Variants in RPS6KA5 observed in about 807,000 individuals in gnomAD.
RPS6KA5 encodes ribosomal protein S6 kinase A5.
A neutral mutation model predicts 85.5 loss-of-function variants in RPS6KA5; 27 were observed. That is an observed-to-expected ratio of 0.32 (90% CI 0.23 to 0.44). The LOEUF (loss-of-function observed/expected upper bound fraction) is 0.44, where lower values mean the gene tolerates loss of function less well. Among genes scored for constraint, RPS6KA5 ranks in the 20% least tolerant of loss-of-function variants. The pLI is 1.00. For missense variants in RPS6KA5, 811 were observed against 980.9 expected (o/e 0.83, Z 2.31); for synonymous variants, 334 against 348.2 (o/e 0.96, Z 0.46).
chr14:90,878,277 TAG>T (rs2033608496), intron 14 of RPS6KA5, among the ~76,000 whole-genome samples: 1 of 152,214 alleles, frequency 6.6e-6, no homozygotes, highest in Non-Finnish European at 1.5e-5. Context: ...AGTGATATGA[TAG>T]AGACTGTACT....
chr14:90,872,335 A>C lies in RPS6KA5; in HGVS notation c.2161-13T>G, dbSNP rs775962656. ...ATTTGTTAAAGGCCTGGCGGGGGAA[A>C]AAAAGGGAACCCCTGTGAAGGTAAA... On this transcript the variant is annotated splice_polypyrimidine_tract_variant and intron_variant, in intron 16 of 16. Coordinates refer to ENST00000614987, the MANE Select transcript of RPS6KA5 (RefSeq NM_004755.4). 1.9e-6 allele frequency: 3 copies of C among 1,597,554 alleles called. No individual in the cohort carries two copies. Among genetic ancestry groups the C allele is most frequent in the Non-Finnish European group, 2.6e-6 (3 of 1,174,480 alleles).
In RPS6KA5 at chr14:90,875,368, G is replaced by A. The variant is rs2033390985; in HGVS notation, c.1837-8C>T. On this transcript the variant is annotated splice_region_variant and splice_polypyrimidine_tract_variant and intron_variant, in intron 14 of 16. Transcript: ENST00000614987. ...TCCTGACAACATTGTGTACTATCAG[G>A]GAAAAAGTAACAAAACAGAATGACT... 3 of 1,605,936 alleles carry A rather than the reference G, an allele frequency of 1.9e-6. No homozygotes were observed. In the African/African-American group the frequency reaches 4.0e-5, roughly 22 times the overall value.
intron 3 of RPS6KA5, among the ~76,000 whole-genome samples, chr14:90,975,546 A>G (rs1233915529): frequency 2.0e-5 from 3 of 152,216 alleles, no homozygotes; most frequent in African/African-American, 7.2e-5. Context: ...AGGTGGTAAG[A>G]CAGTGGCCAT....
chr14:90,913,159 C>G (rs1034752862), intron 7 of RPS6KA5, among the ~76,000 whole-genome samples: 2 of 151,956 alleles, frequency 1.3e-5, no homozygotes, highest in Admixed American at 1.3e-4. Context: ...GATCCACCCT[C>G]CTTAGCCTCC....
chr14:90,930,221 G>A (rs575219448), intron 5 of RPS6KA5, among the ~76,000 whole-genome samples: 1 of 152,152 alleles, frequency 6.6e-6, no homozygotes, highest in South Asian at 2.1e-4. Flanking sequence ...GAGGCAAACA[G>A]ACAAATGGAA....
At chr14:90,982,557 A>G (rs1258532706) in intron 2 of RPS6KA5, among the ~76,000 whole-genome samples, 1 of 152,238 alleles carries the variant, frequency 6.6e-6, no homozygotes, top group African/African-American at 2.4e-5. Context: ...ATGACTCTCT[A>G]ATTTCTGCAT....
At chr14:90,900,005 A>G (rs1316372357) in intron 11 of RPS6KA5, 103 bp downstream of exon 11, 8 of 987,320 alleles carry the variant, frequency 8.1e-6, no homozygotes, top group Non-Finnish European at 1.1e-5. Context: ...TTTGGGTAAG[A>G]AAGTCTTACA....
chr14:90,874,469 C>T (rs867659459), intron 15 of RPS6KA5, among the ~76,000 whole-genome samples: 6 of 152,108 alleles, frequency 3.9e-5, no homozygotes, highest in South Asian at 2.1e-4. Flanking sequence ...TATCCTGCAA[C>T]GGCAGAGCTG....
At chr14:91,030,577 G>A (rs2042144704) in intron 1 of RPS6KA5, among the ~76,000 whole-genome samples, 2 of 82,172 alleles carry the variant, frequency 2.4e-5, no homozygotes, top group African/African-American at 9.4e-5. Flanking sequence ...ACAATTGAGA[G>A]AAATCCCTAA....
chr14:90,981,158 T>C (rs573638432), intron 2 of RPS6KA5, among the ~76,000 whole-genome samples: 3 of 152,094 alleles, frequency 2.0e-5, no homozygotes, highest in African/African-American at 7.2e-5. Context: ...GCAACAAGAG[T>C]GAAACTTAGT....
intron 3 of RPS6KA5, among the ~76,000 whole-genome samples, chr14:90,952,604 C>A (rs2038260233): frequency 6.6e-6 from 1 of 152,214 alleles, no homozygotes; most frequent in Non-Finnish European, 1.5e-5. Context: ...AGGCATTGAT[C>A]AAAAATTGGC....
intron 1 of RPS6KA5, among the ~76,000 whole-genome samples, chr14:91,015,436 ATTTAT>A (rs900094049): frequency 6.6e-6 from 1 of 152,098 alleles, no homozygotes; most frequent in African/African-American, 2.4e-5. Context: ...GTGCTACCAA[ATTTAT>A]TTTGTTTATT....
At position 90,854,075 on chromosome 14, in the gene RPS6KA5, C is replaced by T. The variant is rs1193773251; in HGVS notation, c.*17999G>A. The T allele has an allele frequency of 1.3e-5, 2 of 152,050 alleles. No homozygotes were observed. The highest frequency in any genetic ancestry group is 4.8e-5 in the African/African-American group (2 of 41,400). The allele number at this position is 152,050 out of a possible 1,614,324, so 9.4% of individuals were successfully genotyped here. On this transcript the variant is annotated 3_prime_UTR_variant, in exon 17 of 17. Transcript: ENST00000614987. ...ACACACCTATGTAATTTTCACAAGA[C>T]CAAACTATTAAAGTACCTAGAAAAT...
Position 90,932,535 on chromosome 14 carries a change from G to T in RPS6KA5, c.619-9339C>A, listed in dbSNP as rs116223286. 5.2e-3 allele frequency among the ~76,000 whole-genome samples: 794 copies of T among 152,196 alleles called. 10 individuals carry two copies. Among genetic ancestry groups the T allele is most frequent in the African/African-American group, 0.018 (744 of 41,522 alleles). On this transcript the variant is annotated intron_variant, in intron 5 of 16. Transcript: ENST00000614987. ...CGTTCACTCTCCCACATTGTTAGTT[G>T]GTTATTTTATATCATCTCCTTTCTC...
At chr14:91,012,405 A>G (rs1211093922) in intron 1 of RPS6KA5, among the ~76,000 whole-genome samples, 1 of 152,246 alleles carries the variant, frequency 6.6e-6, no homozygotes, top group Non-Finnish European at 1.5e-5. Flanking sequence ...GGGGAAAAAA[A>G]CAACTATATA....
At position 90,986,500 on chromosome 14, in the gene RPS6KA5, A is replaced by G. The variant is rs114909744; in HGVS notation, c.176-7976T>C. Among the ~76,000 whole-genome samples, 1,106 of 152,326 alleles carry G rather than the reference A, an allele frequency of 7.3e-3. 9 individuals are homozygous for G. Among genetic ancestry groups the G allele is most frequent in the Middle Eastern group, 0.027 (8 of 294 alleles). ...AAGAATCAAAAGAAGACTAAGATGC[A>G]TATTCATAAATAATTCTCTATTTAT... On this transcript the variant is annotated intron_variant, in intron 2 of 16. Coordinates refer to ENST00000614987, the MANE Select transcript of RPS6KA5 (RefSeq NM_004755.4).
At chr14:90,998,752 A>T (rs1448786368) in intron 2 of RPS6KA5, among the ~76,000 whole-genome samples, 1 of 152,226 alleles carries the variant, frequency 6.6e-6, no homozygotes, top group East Asian at 1.9e-4. Flanking sequence ...TAAATTTCTG[A>T]CAATAACATG....
At chr14:90,932,391 C>A (rs12896373) in intron 5 of RPS6KA5, among the ~76,000 whole-genome samples, 1 of 151,870 alleles carries the variant, frequency 6.6e-6, no homozygotes, top group African/African-American at 2.4e-5. Context: ...CCTCCTACCT[C>A]GGCCTCCCAA....
intron 14 of RPS6KA5, among the ~76,000 whole-genome samples, chr14:90,877,507 G>GT (rs2033556063): frequency 6.6e-6 from 1 of 152,166 alleles, no homozygotes; most frequent in Non-Finnish European, 1.5e-5. Flanking sequence ...AGACACCAGA[G>GT]TAACAGTCAT....
Sources: allele counts gnomAD v4.1 joint callset (sites outside exome capture counted in the v4.1 genomes callset), GRCh38; gene constraint gnomAD v4.1.1; transcripts MANE v1.5; gene names NCBI Gene and HGNC (gene_info 2026-07-23, HGNC 2026-07-21).